AP2B1: variants seen among roughly 807,000 people sequenced by gnomAD.
AP2B1 encodes AP-2 complex subunit beta.
A neutral mutation model predicts 102.0 loss-of-function variants in AP2B1; 23 were observed. The ratio of observed to expected loss-of-function variants is 0.23; its 90% CI spans 0.16 to 0.32. The LOEUF is 0.32. AP2B1 is among the 10% of genes least tolerant of loss of function. The pLI, the probability that AP2B1 is intolerant of heterozygous loss-of-function variation, is 1.00. For synonymous variants in AP2B1, 381 were observed against 421.2 expected, an observed-to-expected ratio of 0.90 and a Z score of 1.17; for missense variants, 541 against 1,157.4, an observed-to-expected ratio of 0.47 and a Z score of 7.73.
intron 12 of AP2B1, among the ~76,000 whole-genome samples, chr17:35,647,998 TC>T (rs1380729357): frequency 2.6e-5 from 4 of 151,960 alleles, no homozygotes; most frequent in Non-Finnish European, 5.9e-5. Flanking sequence ...TTCAAATGAT[TC>T]TTCTGCCTCA....
intron 2 of AP2B1, chr17:35,596,812 C>T: frequency 1.6e-6 from 1 of 644,076 alleles, no homozygotes; most frequent in Middle Eastern, 3.7e-4. Flanking sequence ...CCCCGCAGCG[C>T]TGCCAGGCCC....
Position 35,624,599 on chromosome 17 carries a change from T to G in AP2B1, c.716+12T>G, listed in dbSNP as rs746870411. 3.7e-6 allele frequency: 6 copies of G among 1,604,824 alleles called. No individual in the cohort carries two copies. The Admixed American group carries it at 1.0e-4, about 28-fold the overall frequency. ...CGGGAGGCTCAGAGGTCAGTCTGTT[T>G]TCCTGGCTACTTTCTGGTAGTCTTG... On this transcript the variant is annotated intron_variant, in intron 6 of 21. Transcript: ENST00000610402.
intron 2 of AP2B1, chr17:35,597,039 G>T (rs1360328844): frequency 1.0e-5 from 6 of 593,196 alleles, no homozygotes; most frequent in Non-Finnish European, 1.6e-5. Flanking sequence ...GCGAAGCCCC[G>T]TTGTGGGGGC....
At chr17:35,673,580 T>G (rs773241688) in intron 16 of AP2B1, among the ~76,000 whole-genome samples, 1 of 152,172 alleles carries the variant, frequency 6.6e-6, no homozygotes, top group Non-Finnish European at 1.5e-5. Context: ...TTTAGGTAGA[T>G]AAAAAGAATA....
Position 35,708,641 on chromosome 17 carries a change from A to G in AP2B1, c.2455-583A>G, listed in dbSNP as rs1179950077. Among the ~76,000 whole-genome samples, 4 of 152,344 alleles carry G rather than the reference A, an allele frequency of 2.6e-5. No individual in the cohort carries two copies. In the East Asian group the frequency reaches 5.8e-4, roughly 22 times the overall value. On this transcript the variant is annotated intron_variant, in intron 18 of 21. Coordinates refer to ENST00000610402, the MANE Select transcript of AP2B1 (RefSeq NM_001030006.2). The stretch of plus-strand genomic sequence containing the variant: ...GACCTGGGAAATAAGGTTTTATAAA[A>G]GAAACAACTTTAAAACTGATATTTA...
At chr17:35,648,121 T>C (rs112698683) in intron 12 of AP2B1, among the ~76,000 whole-genome samples, 1,525 of 152,258 alleles carry the variant, frequency 0.01, 20 homozygotes, top group African/African-American at 0.035. Flanking sequence ...TAAGTTGCTG[T>C]TGGAACAACT....
At chr17:35,686,584 TCTTTTGAGAA>T (rs1157063974) in intron 18 of AP2B1, among the ~76,000 whole-genome samples, 2 of 152,174 alleles carry the variant, frequency 1.3e-5, no homozygotes, top group Non-Finnish European at 2.9e-5. Context: ...GGCCATAAAC[TCTTTTGAGAA>T]CATTGATAGC....
chr17:35,610,429 G>A (rs2073823640), intron 5 of AP2B1, among the ~76,000 whole-genome samples: 1 of 152,030 alleles, frequency 6.6e-6, no homozygotes, highest in Non-Finnish European at 1.5e-5. Flanking sequence ...TTACAGGCAT[G>A]AGCCATCACA....
At chr17:35,634,495 G>T (rs999301556) in intron 9 of AP2B1, among the ~76,000 whole-genome samples, 1 of 152,002 alleles carries the variant, frequency 6.6e-6, no homozygotes, top group Non-Finnish European at 1.5e-5. Context: ...CTCTGTTCTG[G>T]TATCTCTCTC....
At chr17:35,681,826 T>C (rs943581847) in intron 17 of AP2B1, among the ~76,000 whole-genome samples, 2 of 152,254 alleles carry the variant, frequency 1.3e-5, no homozygotes, top group Admixed American at 6.5e-5. Context: ...TTCAGAGTTA[T>C]AGCACTAGCA....
chr17:35,629,574 C>A (rs761983817), intron 9 of AP2B1, among the ~76,000 whole-genome samples: 1 of 151,998 alleles, frequency 6.6e-6, no homozygotes, highest in Non-Finnish European at 1.5e-5. Flanking sequence ...ATTTAATTAT[C>A]GGATATTTTT....
chr17:35,670,782 G>A (rs2075569997), intron 14 of AP2B1, 75 bp from the exon 15 acceptor site: 11 of 1,465,778 alleles, frequency 7.5e-6, no homozygotes, highest in Non-Finnish European at 9.5e-6. Flanking sequence ...GCAATTTACA[G>A]ATTCTATATG....
Position 35,641,988 on chromosome 17 carries a change from GA to G in AP2B1, c.1536+18del. On this transcript the variant is annotated intron_variant, in intron 12 of 21. Coordinates refer to ENST00000610402, the MANE Select transcript of AP2B1 (RefSeq NM_001030006.2). Reference sequence around the variant, plus strand: ...TTTGGCAACACAGGTAAGAAATCTGGAAAAAGCAAGATGTTGATTTGTCTTG... The same window carrying G: ...TTTGGCAACACAGGTAAGAAATCTGGAAAAGCAAGATGTTGATTTGTCTTG... The G allele has an allele frequency of 6.3e-7, 1 of 1,578,504 alleles. No individual in the cohort carries two copies. Among genetic ancestry groups the G allele is most frequent in the African/African-American group, 1.3e-5 (1 of 74,366 alleles).
chr17:35,694,929 C>T (rs867067389), intron 18 of AP2B1, among the ~76,000 whole-genome samples: 3 of 152,084 alleles, frequency 2.0e-5, no homozygotes, highest in African/African-American at 7.2e-5. Context: ...CCCTACATAG[C>T]AAATAATAGC....
chr17:35,618,544 A>T (rs2142502907), intron 5 of AP2B1, among the ~76,000 whole-genome samples: 1 of 152,354 alleles, frequency 6.6e-6, no homozygotes, highest in South Asian at 2.1e-4. Flanking sequence ...GAAGTCACTG[A>T]ACTGGAAAGT....
intron 21 of AP2B1, among the ~76,000 whole-genome samples, chr17:35,720,581 T>A (rs1382261474): frequency 0.015 from 1,124 of 75,192 alleles, 2 homozygotes; most frequent in Non-Finnish European, 0.019. Context: ...ATATTTTTTT[T>A]TTTTTTTTTT....
At chr17:35,626,530 T>G in intron 6 of AP2B1, 91 bp from the exon 7 acceptor site, 1 of 1,058,034 alleles carries the variant, frequency 9.5e-7, no homozygotes, top group Non-Finnish European at 1.4e-6. Context: ...TTTTTGATAC[T>G]TGGCCATTAG....
At chr17:35,654,630 A>G (rs146729700) in intron 13 of AP2B1, among the ~76,000 whole-genome samples, 31 of 152,306 alleles carry the variant, frequency 2.0e-4, no homozygotes, top group Non-Finnish European at 2.9e-4. Context: ...TATCAAGCCT[A>G]ACAAAATTGG....
intron 9 of AP2B1, among the ~76,000 whole-genome samples, chr17:35,630,410 A>G (rs1383355722): frequency 3.3e-5 from 5 of 152,172 alleles, no homozygotes; most frequent in Non-Finnish European, 7.3e-5. Context: ...TTTTACGTTA[A>G]CATATCTTAC....
Sources: gnomAD v4.1 joint callset for allele counts (sites outside exome capture counted in the v4.1 genomes callset) on GRCh38, gnomAD v4.1.1 for gene constraint, MANE v1.5 for transcripts, NCBI Gene and HGNC (gene_info 2026-07-23, HGNC 2026-07-21) for gene names.